FRMD4A: variants seen among roughly 807,000 people sequenced by gnomAD.
The protein encoded by FRMD4A is FERM domain containing 4A.
A neutral mutation model predicts 129.1 loss-of-function variants in FRMD4A; 29 were observed. The ratio of observed to expected loss-of-function variants is 0.22; its 90% CI spans 0.17 to 0.31. The LOEUF is 0.31. Among genes scored for constraint, FRMD4A ranks in the 10% least tolerant of loss-of-function variants. The pLI, the probability that FRMD4A is intolerant of heterozygous loss-of-function variation, is 1.00. For synonymous variants in FRMD4A, 634 were observed against 571.6 expected (o/e 1.11, Z -1.56); for missense variants, 1,272 against 1,375.8 (o/e 0.92, Z 1.19).
chr10:13,864,356 A>AAG (rs1283977879), intron 2 of FRMD4A, among the ~76,000 whole-genome samples: 3 of 149,274 alleles, frequency 2.0e-5, no homozygotes, highest in Admixed American at 6.6e-5. Context: ...AAAAAAAAAG[A>AAG]AAAAAAGAAA....
At chr10:14,238,696 C>T (rs116218178) in intron 2 of FRMD4A, among the ~76,000 whole-genome samples, 13 of 152,170 alleles carry the variant, frequency 8.5e-5, no homozygotes, top group African/African-American at 3.1e-4. Context: ...GCTCCTTCCC[C>T]CTACAGGCCC....
chr10:14,232,316 T>C (rs1267059079), intron 2 of FRMD4A, among the ~76,000 whole-genome samples: 1 of 152,238 alleles, frequency 6.6e-6, no homozygotes, highest in African/African-American at 2.4e-5. Flanking sequence ...AGTACCCTGC[T>C]GTTTTGGTAA....
intron 2 of FRMD4A, among the ~76,000 whole-genome samples, chr10:13,880,053 T>C (rs1392534492): frequency 6.6e-6 from 1 of 152,084 alleles, no homozygotes; most frequent in Non-Finnish European, 1.5e-5. Flanking sequence ...TTTTGTGCTT[T>C]AAGCATCGTT....
intron 2 of FRMD4A, among the ~76,000 whole-genome samples, chr10:13,874,029 C>G (rs987052596): frequency 6.6e-6 from 1 of 150,512 alleles, no homozygotes; most frequent in Non-Finnish European, 1.5e-5. Context: ...GATGGATCAC[C>G]AGAGGTCAGG....
chr10:13,890,953 C>A, intron 2 of FRMD4A: 9 of 659,356 alleles, frequency 1.4e-5, no homozygotes, highest in Non-Finnish European at 1.7e-5. Context: ...GGCACCAAGT[C>A]GCTCGTTACG....
intron 2 of FRMD4A, among the ~76,000 whole-genome samples, chr10:13,896,306 T>G (rs2131178727): frequency 6.6e-6 from 1 of 152,278 alleles, no homozygotes; most frequent in African/African-American, 2.4e-5. Flanking sequence ...AAAGAAAATG[T>G]GGCACATATA....
intron 2 of FRMD4A, among the ~76,000 whole-genome samples, chr10:14,036,868 G>A (rs1462029910): frequency 6.6e-6 from 1 of 152,132 alleles, no homozygotes; most frequent in Non-Finnish European, 1.5e-5. Context: ...ATACAGGCAT[G>A]CTCCACCGTG....
At chr10:13,933,195 G>T (rs956505908) in intron 2 of FRMD4A, among the ~76,000 whole-genome samples, 1 of 152,104 alleles carries the variant, frequency 6.6e-6, no homozygotes, top group African/African-American at 2.4e-5. Context: ...GGAAAATAGG[G>T]TCTGGAGGCA....
chr10:14,323,188 T>C (rs910718712), intron 2 of FRMD4A, among the ~76,000 whole-genome samples: 1 of 152,208 alleles, frequency 6.6e-6, no homozygotes, highest in Non-Finnish European at 1.5e-5. Context: ...GGGCAACTTG[T>C]TTCTTAGATG....
intron 2 of FRMD4A, among the ~76,000 whole-genome samples, chr10:13,883,056 G>A (rs1017661067): frequency 1.3e-5 from 2 of 151,880 alleles, no homozygotes; most frequent in African/African-American, 4.8e-5. Flanking sequence ...CTCTCGCCTC[G>A]GTCTCCCAAA....
intron 2 of FRMD4A, among the ~76,000 whole-genome samples, chr10:14,174,284 G>C (rs1033036269): frequency 4.6e-5 from 7 of 151,768 alleles, no homozygotes; most frequent in Non-Finnish European, 5.9e-5. Context: ...CCTCTCCCGC[G>C]CTCTCTCTCC....
chr10:14,185,457 T>G (rs1359733), intron 2 of FRMD4A, among the ~76,000 whole-genome samples: 203 of 152,364 alleles, frequency 1.3e-3, no homozygotes, highest in African/African-American at 4.4e-3. Flanking sequence ...GTGGCAGAAA[T>G]TAGTACAAAA....
intron 2 of FRMD4A, among the ~76,000 whole-genome samples, chr10:14,225,404 A>G (rs534938100): frequency 6.6e-6 from 1 of 152,352 alleles, no homozygotes; most frequent in East Asian, 1.9e-4. Flanking sequence ...GGTAGCAAGA[A>G]AAGTCTTCAA....
At chr10:14,066,177 C>T (rs541509590) in intron 2 of FRMD4A, among the ~76,000 whole-genome samples, 4 of 152,116 alleles carry the variant, frequency 2.6e-5, no homozygotes, top group Non-Finnish European at 5.9e-5. Context: ...TTCAGAGTTG[C>T]AGAAAGCTGG....
intron 6 of FRMD4A, among the ~76,000 whole-genome samples, chr10:13,781,283 G>A (rs1271287360): frequency 7.9e-5 from 10 of 126,180 alleles, no homozygotes; most frequent in Admixed American, 1.9e-4. Flanking sequence ...CAGCCTGGGC[G>A]AGAGAGACCC....
chr10:13,874,245 C>CA (rs71388124), intron 2 of FRMD4A, among the ~76,000 whole-genome samples: 30,137 of 76,436 alleles, frequency 0.39, 5,225 homozygotes, highest in Non-Finnish European at 0.46. Context: ...GACACTGTCT[C>CA]AAAAAAAAAA....
At chr10:13,751,250 T>G (rs961421051) in intron 8 of FRMD4A, among the ~76,000 whole-genome samples, 5 of 152,200 alleles carry the variant, frequency 3.3e-5, no homozygotes, top group Non-Finnish European at 7.3e-5. Context: ...GCCACAGGTT[T>G]GATTTCCTCA....
intron 2 of FRMD4A, among the ~76,000 whole-genome samples, chr10:14,059,113 T>C (rs7913222): frequency 0.043 from 6,505 of 152,242 alleles, 209 homozygotes; most frequent in Admixed American, 0.081. Context: ...ATATGAGAAT[T>C]GAAAGGGAGT....
chr10:13,777,246 C>T lies in FRMD4A; in HGVS notation c.384+5676G>A, dbSNP rs115696179. On this transcript the variant is annotated intron_variant, in intron 6 of 24. Coordinates refer to ENST00000357447, the MANE Select transcript of FRMD4A (RefSeq NM_018027.5). ...CCCCCAGTCCTTTGTCTCTGAGTCACTTAGCCTCTCTGTACCTACTTCCTC... is the reference window on the plus strand; with the variant it reads ...CCCCCAGTCCTTTGTCTCTGAGTCATTTAGCCTCTCTGTACCTACTTCCTC... Among the ~76,000 whole-genome samples the T allele has an allele frequency of 4.6e-3, 708 of 152,362 alleles. 11 individuals carry two copies. Among genetic ancestry groups the T allele is most frequent in the African/African-American group, 0.016 (684 of 41,584 alleles).
Sources: gnomAD v4.1 joint callset for allele counts (sites outside exome capture counted in the v4.1 genomes callset) on GRCh38, gnomAD v4.1.1 for gene constraint, MANE v1.5 for transcripts, NCBI Gene and HGNC (gene_info 2026-07-23, HGNC 2026-07-21) for gene names.